Variants in FAM193B observed in about 807,000 individuals in gnomAD.
The protein encoded by FAM193B is family with sequence similarity 193 member B.
A neutral mutation model predicts 70.7 loss-of-function variants in FAM193B; 27 were observed. That is an observed-to-expected ratio of 0.38 (90% CI 0.28 to 0.53). FAM193B has a LOEUF of 0.53. FAM193B is among the 20% of genes least tolerant of loss of function. The pLI is 0.81. For synonymous variants in FAM193B, 448 were observed against 436.0 expected (o/e 1.03, Z -0.34); for missense variants, 1,022 against 1,072.5 (o/e 0.95, Z 0.66).
intron 1 of FAM193B, among the ~76,000 whole-genome samples, chr5:177,548,937 G>A (rs1765815110): frequency 6.6e-6 from 1 of 152,158 alleles, no homozygotes; most frequent in Admixed American, 6.5e-5. Flanking sequence ...AATGAGTGGT[G>A]CTCGCCCTGG....
At chr5:177,539,331 A>C (rs185941057) in intron 1 of FAM193B, 184 bp from the exon 2 acceptor site, 1 of 699,988 alleles carries the variant, frequency 1.4e-6, no homozygotes, top group Admixed American at 3.4e-5. Context: ...CCATTTTTTA[A>C]GATGAAGAAA....
At chr5:177,542,347 G>C (rs1407064894) in intron 1 of FAM193B, among the ~76,000 whole-genome samples, 1 of 152,196 alleles carries the variant, frequency 6.6e-6, no homozygotes, top group East Asian at 1.9e-4. Context: ...ATGGGATTAA[G>C]TCCTAATTTG....
intron 7 of FAM193B, 163 bp from the exon 8 acceptor site, chr5:177,522,234 CTTGGGGGCTTCTGGA>C (rs910883039): frequency 3.4e-6 from 2 of 590,396 alleles, no homozygotes; most frequent in African/African-American, 3.7e-5. Flanking sequence ...GCTTTGCTGG[CTTGGGGGCTTCTGGA>C]TTGGGCCCAG....
chr5:177,522,698 C>T (rs1287801260), intron 7 of FAM193B, among the ~76,000 whole-genome samples: 1 of 151,956 alleles, frequency 6.6e-6, no homozygotes, highest in African/African-American at 2.4e-5. Context: ...AATGTAAATG[C>T]TATGTAGTTA....
At chr5:177,536,292 C>T (rs1243125288) in intron 4 of FAM193B, 66 bp downstream of exon 4, 2 of 1,534,004 alleles carry the variant, frequency 1.3e-6, no homozygotes, top group African/African-American at 2.7e-5. Context: ...TCAAAGTTAA[C>T]CCCAAATTTT....
At chr5:177,521,908 G>T in intron 8 of FAM193B, 66 bp downstream of exon 8, 1 of 1,251,250 alleles carries the variant, frequency 8.0e-7, no homozygotes, top group South Asian at 1.2e-5. Flanking sequence ...ATGGTCTGGT[G>T]AGCGTACAGA....
chr5:177,526,019 G>A (rs926133194), intron 5 of FAM193B, among the ~76,000 whole-genome samples: 15 of 152,324 alleles, frequency 9.8e-5, no homozygotes, highest in Middle Eastern at 6.8e-3. Context: ...GCTGTGGTGC[G>A]CCTGGCGCCA....
At position 177,538,814 on chromosome 5, in the gene FAM193B, C is replaced by T. The variant is rs2127474632; in HGVS notation, c.453+91G>A. ...CTCAGTGCCTGGGCATGGGAGCTGC[C>T]CAAGGAGAGCCACCTGAGGACAGGG... On this transcript the variant is annotated intron_variant, in intron 2 of 8. Coordinates refer to ENST00000514747, the MANE Select transcript of FAM193B (RefSeq NM_001190946.3). This position sits in a 1 kb window ranked among gnomAD's most constrained non-coding sequence, Gnocchi z 4.1. 2 of 1,547,354 alleles carry T rather than the reference C, an allele frequency of 1.3e-6. No individual in the cohort carries two copies. The highest frequency in any genetic ancestry group is 4.5e-5 in the East Asian group (2 of 44,166).
At position 177,553,650 on chromosome 5, in the gene FAM193B, A is replaced by G. The variant is rs151333420; in HGVS notation, c.210+599T>C. The G allele has an allele frequency of 1.3e-3, 1,701 of 1,276,398 alleles. 21 individuals are homozygous for G. The African/African-American group carries it at 0.023, about 17-fold the overall frequency. The allele number at this position is 1,276,398 out of a possible 1,614,324, so 79.1% of individuals were successfully genotyped here. ...GGCTGCCTTGCGGAGCAGGGGAGGG[A>G]AGAAGGGCAGGTTCTGCTGGGTTTC... is the stretch of plus-strand genomic sequence containing the variant. On this transcript the variant is annotated intron_variant, in intron 1 of 8. Coordinates refer to ENST00000514747, the MANE Select transcript of FAM193B (RefSeq NM_001190946.3).
intron 1 of FAM193B, chr5:177,551,965 C>A (rs1195414031): frequency 1.1e-6 from 1 of 945,086 alleles, no homozygotes; most frequent in Non-Finnish European, 1.3e-6. Context: ...TAACTAGAAC[C>A]GAATTTACCA....
chr5:177,536,144 C>T (rs534094672), intron 4 of FAM193B, among the ~76,000 whole-genome samples: 1 of 152,060 alleles, frequency 6.6e-6, no homozygotes, highest in Admixed American at 6.5e-5. Flanking sequence ...AACTCCTAGG[C>T]TCAAGTGATC....
At chr5:177,548,967 CCTTT>C (rs150976947) in intron 1 of FAM193B, among the ~76,000 whole-genome samples, 1,891 of 152,248 alleles carry the variant, frequency 0.012, 41 homozygotes, top group African/African-American at 0.043. Context: ...CAAGTTCCTT[CCTTT>C]GTTTAGACTC....
At chr5:177,550,601 C>T (rs902708725) in intron 1 of FAM193B, among the ~76,000 whole-genome samples, 1 of 152,126 alleles carries the variant, frequency 6.6e-6, no homozygotes, top group African/African-American at 2.4e-5. Flanking sequence ...ATGAGTTCAC[C>T]TCTCCTCACC....
chr5:177,548,732 A>C (rs1765788624), intron 1 of FAM193B, among the ~76,000 whole-genome samples: 1 of 152,210 alleles, frequency 6.6e-6, no homozygotes, highest in African/African-American at 2.4e-5. Flanking sequence ...GGAATCAAGC[A>C]ATCACAGCTG....
At chr5:177,531,536 G>GGGGGGGGGGGGGGGGGGGT in intron 5 of FAM193B, 1 of 1,047,038 alleles carries the variant, frequency 9.6e-7, no homozygotes, top group Non-Finnish European at 1.3e-6. Flanking sequence ...GGGTGGGGGG[G>GGGGGGGGGGGGGGGGGGGT]AGGTGCTGAC....
chr5:177,552,480 G>GA (rs1766394897), intron 1 of FAM193B, among the ~76,000 whole-genome samples: 1 of 152,240 alleles, frequency 6.6e-6, no homozygotes, highest in South Asian at 2.1e-4. Flanking sequence ...AATAAAAACT[G>GA]AATGGTTGAG....
chr5:177,545,355 T>A (rs1281848220), intron 1 of FAM193B, among the ~76,000 whole-genome samples: 2 of 152,228 alleles, frequency 1.3e-5, no homozygotes, highest in Non-Finnish European at 2.9e-5. Flanking sequence ...TTCTTCTAAT[T>A]TTGTTTTGGA....
chr5:177,538,879 A>C lies in FAM193B; in HGVS notation c.453+26T>G, dbSNP rs1322885780. 6.2e-7 allele frequency: 1 copy of C among 1,611,538 alleles called. No homozygotes were observed. The highest frequency in any genetic ancestry group is 1.1e-5 in the South Asian group (1 of 90,864). ...CTTGGGGAGGAGCCCTCCTGCATTC[A>C]GGGACCCCTGTCAGCGGTTACCTAC... is the stretch of plus-strand genomic sequence containing the variant. On this transcript the variant is annotated intron_variant, in intron 2 of 8. Transcript: ENST00000514747. This position sits in a 1 kb window ranked among gnomAD's most constrained non-coding sequence, Gnocchi z 4.1.
chr5:177,526,606 G>A (rs1762638186), intron 5 of FAM193B, among the ~76,000 whole-genome samples: 1 of 152,186 alleles, frequency 6.6e-6, no homozygotes, highest in South Asian at 2.1e-4. Flanking sequence ...GAAGCCAGAG[G>A]AGAAAGCACA....
Sources: allele counts gnomAD v4.1 joint callset (sites outside exome capture counted in the v4.1 genomes callset), GRCh38; gene constraint gnomAD v4.1.1; non-coding constraint Gnocchi (gnomAD v3.1); transcripts MANE v1.5; gene names NCBI Gene and HGNC (gene_info 2026-07-23, HGNC 2026-07-21).